UBAP2: variants seen among roughly 807,000 people sequenced by gnomAD.
The protein encoded by UBAP2 is ubiquitin associated protein 2.
A neutral mutation model predicts 139.6 loss-of-function variants in UBAP2; 75 were observed. The ratio of observed to expected loss-of-function variants is 0.54; its 90% CI spans 0.45 to 0.65. The LOEUF (loss-of-function observed/expected upper bound fraction) is 0.65. Among genes scored for constraint, UBAP2 ranks in the 30% least tolerant of loss-of-function variants. UBAP2 has a pLI of 0.00. For missense variants in UBAP2, 1,368 were observed against 1,369.6 expected (o/e 1.00, Z 0.02); for synonymous variants, 526 against 526.2 (o/e 1.00, Z 0.01).
At chr9:34,048,381 T>A (rs749206945) in intron 1 of UBAP2, among the ~76,000 whole-genome samples, 8 of 152,058 alleles carry the variant, frequency 5.3e-5, no homozygotes, top group Non-Finnish European at 8.8e-5. Flanking sequence ...GCGCATAAGT[T>A]GGGGCTATAA....
chr9:34,048,324 A>C (rs1587716228), intron 1 of UBAP2, among the ~76,000 whole-genome samples: 1 of 152,224 alleles, frequency 6.6e-6, no homozygotes, highest in Non-Finnish European at 1.5e-5. Flanking sequence ...AATTGAAAAG[A>C]AGTAGAACTG....
chr9:34,002,250 G>C (rs1457095103), intron 2 of UBAP2, among the ~76,000 whole-genome samples: 1 of 151,938 alleles, frequency 6.6e-6, no homozygotes, highest in Non-Finnish European at 1.5e-5. Context: ...CACCACACTT[G>C]GCTATTTTCC....
intron 9 of UBAP2, 142 bp from the exon 10 acceptor site, chr9:33,961,020 G>T: frequency 1.4e-6 from 1 of 720,736 alleles, no homozygotes; most frequent in Admixed American, 2.4e-5. Flanking sequence ...CAAGAAACAT[G>T]ACGTTCTTAA....
In UBAP2 at chr9:34,035,483, C is replaced by G. The variant is rs1261169255; in HGVS notation, c.-42+13342G>C. 1.3e-4 allele frequency among the ~76,000 whole-genome samples: 7 copies of G among 51,886 alleles called. No individual in the cohort carries two copies. The Admixed American group carries it at 1.5e-3, about 11-fold the overall frequency. The allele number at this position is 51,886 out of a possible 152,430, so 34.0% of individuals were successfully genotyped here. On this transcript the variant is annotated intron_variant, in intron 1 of 28. Coordinates refer to ENST00000379238, the MANE Select transcript of UBAP2 (RefSeq NM_001370062.2). The stretch of plus-strand genomic sequence containing the variant: ...CGCCACTGCACTCCAGTCTGGGTGA[C>G]AGAGCGAGACTCCATCTAAAAAAAA...
intron 19 of UBAP2, among the ~76,000 whole-genome samples, chr9:33,931,628 A>C (rs1466269205): frequency 6.6e-6 from 1 of 152,210 alleles, no homozygotes; most frequent in Non-Finnish European, 1.5e-5. Flanking sequence ...TTATGATAAA[A>C]GATTCTGTGT....
chr9:34,038,801 C>G (rs1241905932), intron 1 of UBAP2, among the ~76,000 whole-genome samples: 1 of 150,640 alleles, frequency 6.6e-6, no homozygotes, highest in East Asian at 2.0e-4. Flanking sequence ...AAGTGAGGAG[C>G]GCCTCTTCCT....
At chr9:33,927,364 T>C (rs540628993) in intron 20 of UBAP2, among the ~76,000 whole-genome samples, 1 of 152,058 alleles carries the variant, frequency 6.6e-6, no homozygotes, top group Non-Finnish European at 1.5e-5. Flanking sequence ...AAGAGAAATA[T>C]AAAAAGAATC....
At chr9:34,005,434 CAAAAAA>C (rs36086568) in intron 2 of UBAP2, among the ~76,000 whole-genome samples, 2 of 86,306 alleles carry the variant, frequency 2.3e-5, no homozygotes, top group African/African-American at 4.4e-5. Context: ...GACCCTGTCT[CAAAAAA>C]AAAAAAAAAA....
At chr9:33,981,837 AG>A (rs1435914167) in intron 6 of UBAP2, among the ~76,000 whole-genome samples, 7 of 78,706 alleles carry the variant, frequency 8.9e-5, no homozygotes, top group Non-Finnish European at 1.4e-4. Context: ...GAAGGAGGGA[AG>A]GGGGGAAAGG....
rs1825428711 is a variant in UBAP2 at position 33,943,741 on chromosome 9, T to G, written c.1546-152A>C. The G allele has an allele frequency of 6.9e-6, 5 of 724,460 alleles. No individual in the cohort carries two copies. The South Asian group carries it at 1.2e-4, about 17-fold the overall frequency. The allele number at this position is 724,460 out of a possible 1,614,324, so 44.9% of individuals were successfully genotyped here. A position where few individuals can be genotyped will look rare whatever the true frequency, so the allele number is the denominator to read the frequency against. ...AGGAGAAAATAGGCTAAGACTTTTC[T>G]AAAAAGAGAAAGAAAAAAAACAAGC... On this transcript the variant is annotated intron_variant, in intron 14 of 28. Transcript: ENST00000379238.
At chr9:33,956,288 C>A in intron 10 of UBAP2, 142 bp from the exon 11 acceptor site, 1 of 536,800 alleles carries the variant, frequency 1.9e-6, no homozygotes, top group Non-Finnish European at 3.2e-6. Context: ...ATACAAGTGA[C>A]CATGACAAGT....
At chr9:33,973,286 A>G in intron 6 of UBAP2, 49 bp from the exon 7 acceptor site, 1 of 1,563,002 alleles carries the variant, frequency 6.4e-7, no homozygotes, top group Non-Finnish European at 8.8e-7. Context: ...TATGTCCTAC[A>G]CAATTACACT....
chr9:33,978,709 G>T (rs935874822), intron 6 of UBAP2, among the ~76,000 whole-genome samples: 1 of 152,100 alleles, frequency 6.6e-6, no homozygotes, highest in African/African-American at 2.4e-5. Context: ...GAACCCAGGA[G>T]GGGGAGCGTG....
chr9:33,980,220 CTTTTTTT>C (rs1173781682), intron 6 of UBAP2, among the ~76,000 whole-genome samples: 38 of 49,128 alleles, frequency 7.7e-4, no homozygotes, highest in African/African-American at 2.1e-3. Context: ...AGTGTCATTT[CTTTTTTT>C]TTTTTTTTTT....
rs748274153 is a variant in UBAP2, at chr9:33,948,581, C to T, written c.1063G>A (p.Val355Ile). The T allele has an allele frequency of 2.3e-5, 37 of 1,613,902 alleles. No individual in the cohort carries two copies. The highest frequency in any genetic ancestry group is 1.6e-4 in the Middle Eastern group (1 of 6,084). The change falls in exon 13 of 29, where the codon GTC becomes ATC. Residue 355 changes from valine (V) to isoleucine (I), a missense_variant. Transcript: ENST00000379238. ...NSCSPQSLSS[V>I]LGSGFGELAP... ...AGCTCTCCAAATCCTGAGCCAAGGA[C>T]GGATGACTTTAAAAGGGGGATAAAA... is the stretch of plus-strand genomic sequence containing the variant.
chr9:33,924,026 A>C (rs1296803778), intron 23 of UBAP2, 26 bp from the exon 24 acceptor site: 2 of 1,612,328 alleles, frequency 1.2e-6, no homozygotes, highest in South Asian at 2.2e-5. Context: ...GACTCCAGCC[A>C]CTGCCCTTCC....
chr9:34,039,165 C>G lies in UBAP2; in HGVS notation c.-42+9660G>C, dbSNP rs554476938. ...GAGGTGGGGGGCAGCCTCCGCCCAG[C>G]CAGCCGCCCCTTCCGGGAGGGAGGT... On this transcript the variant is annotated intron_variant, in intron 1 of 28. Coordinates refer to ENST00000379238, the MANE Select transcript of UBAP2 (RefSeq NM_001370062.2). Among the ~76,000 whole-genome samples, 3 of 151,370 alleles carry G rather than the reference C, an allele frequency of 2.0e-5. No individual in the cohort carries two copies. The East Asian group carries it at 5.9e-4, about 30-fold the overall frequency.
At chr9:34,020,150 T>TTAAAA (rs1554691245) in intron 1 of UBAP2, among the ~76,000 whole-genome samples, 2 of 127,076 alleles carry the variant, frequency 1.6e-5, no homozygotes, top group Non-Finnish European at 3.3e-5. Flanking sequence ...ACTCCATTAT[T>TTAAAA]AAAAAAAAAA....
In UBAP2 at chr9:33,927,961, T is replaced by A; in HGVS notation, c.2207A>T (p.Gln736Leu). 1.2e-6 allele frequency: 2 copies of A among 1,613,904 alleles called. No individual in the cohort carries two copies. The highest frequency in any genetic ancestry group is 1.7e-6 in the Non-Finnish European group (2 of 1,179,880). Residue 736 changes from glutamine (Q) to leucine (L), a missense_variant, in exon 20 of 29, where the codon CAG becomes CTG. Physicochemically the swap from Gln to Leu is moderately radical, Grantham distance 113. Coordinates refer to ENST00000379238, the MANE Select transcript of UBAP2 (RefSeq NM_001370062.2). ...HASVESASSH[Q>L]SSATFSTAAT... The stretch of plus-strand genomic sequence containing the variant: ...TGCCGTGGAGAAGGTGGCTGAGGAC[T>A]GGTGGGAAGAGGCGCTCTCCACACT...
Sources: allele counts gnomAD v4.1 joint callset (sites outside exome capture counted in the v4.1 genomes callset), GRCh38; gene constraint gnomAD v4.1.1; transcripts MANE v1.5; gene names NCBI Gene and HGNC (gene_info 2026-07-23, HGNC 2026-07-21).